The following FRMD4B variants were observed in gnomAD, a reference collection of about 807,000 sequenced individuals.
FRMD4B encodes the protein FERM domain containing 4B.
In FRMD4B, 74 loss-of-function variants were observed where a neutral mutation model predicts 141.5. The ratio of observed to expected loss-of-function variants is 0.52; its 90% CI spans 0.43 to 0.63. The LOEUF is 0.63. FRMD4B is among the 30% of genes least tolerant of loss of function. The pLI is 0.00. For synonymous variants in FRMD4B, 506 were observed against 467.9 expected, an observed-to-expected ratio of 1.08 and a Z score of -1.05; for missense variants, 1,366 against 1,253.4, an observed-to-expected ratio of 1.09 and a Z score of -1.36.
intron 1 of FRMD4B, among the ~76,000 whole-genome samples, chr3:69,364,962 T>C (rs138374716): frequency 6.6e-6 from 1 of 152,108 alleles, no homozygotes; most frequent in Admixed American, 6.5e-5. Flanking sequence ...ACAAAATTGC[T>C]GAAATTCACT....
rs978809677 is a variant in FRMD4B at position 69,318,360 on chromosome 3, T to C, written c.163-4843A>G. Reference sequence around the variant, plus strand: ...ACCAAAGCAAAAGAGTTCCAAAGCATAGACTCTCCAAATGATGTCATTAAT... The same window carrying C: ...ACCAAAGCAAAAGAGTTCCAAAGCACAGACTCTCCAAATGATGTCATTAAT... On this transcript the variant is annotated intron_variant, in intron 1 of 22. Coordinates refer to ENST00000398540, the MANE Select transcript of FRMD4B (RefSeq NM_015123.3). Among the ~76,000 whole-genome samples the C allele has an allele frequency of 5.9e-5, 9 of 152,106 alleles. 1 individual carries two copies. Among genetic ancestry groups the C allele is most frequent in the Non-Finnish European group, 1.0e-4 (7 of 68,024 alleles).
In FRMD4B at chr3:69,197,020, T is replaced by G. The variant is rs1214026467; in HGVS notation, c.972A>C (p.Arg324Ser). Residue 324 changes from arginine to serine, a missense_variant, in exon 13 of 23, where the codon AGA becomes AGC. Transcript: ENST00000398540. ...HDPRRISVSR[R>S]TFGQSGLFVQ... ...CAAACAAGCCACTTTGCCCAAAGGT[T>G]CTTCTTGAAACTGAAATCCTGAAAG... 1.2e-6 allele frequency: 2 copies of G among 1,611,172 alleles called. No individual in the cohort carries two copies. The highest frequency in any genetic ancestry group is 1.7e-6 in the Non-Finnish European group (2 of 1,177,670).
chr3:69,363,671 G>A (rs146623397), intron 1 of FRMD4B, among the ~76,000 whole-genome samples: 1,967 of 152,270 alleles, frequency 0.013, 49 homozygotes, highest in African/African-American at 0.042. Context: ...TTACAGGCGT[G>A]AGCCACTGCA....
chr3:69,196,969 A>C lies in FRMD4B; in HGVS notation c.1023T>G (p.Ser341=), dbSNP rs748504289. The part of the protein sequence containing the change: ...LFVQTWYANS[S]LIKSIWVMAI... ...CCATTACCCAAATGGACTTGATGAG[A>C]GAAGAGTTAGCATACCATGTTTGCA... Residue 341 remains serine (S), a synonymous_variant, in exon 13 of 23, where the codon TCT becomes TCG. Transcript: ENST00000398540. The C allele has an allele frequency of 1.1e-5, 18 of 1,606,786 alleles. No individual in the cohort carries two copies. The South Asian group carries it at 1.6e-4, about 15-fold the overall frequency.
Position 69,171,726 on chromosome 3 carries a change from A to C in FRMD4B, c.*135T>G. ...GTGTGTGATTCACTGATTCACTTCC[A>C]GGGCAACTAAGTCTTCTCTTCAACC... On this transcript the variant is annotated 3_prime_UTR_variant, in exon 23 of 23. Transcript: ENST00000398540. 1 of 823,874 alleles carries C rather than the reference A, an allele frequency of 1.2e-6. No individual in the cohort carries two copies. Among genetic ancestry groups the C allele is most frequent in the Non-Finnish European group, 1.9e-6 (1 of 513,384 alleles). The allele number at this position is 823,874 out of a possible 1,614,324, so 51.0% of individuals were successfully genotyped here. A position where few individuals can be genotyped will look rare whatever the true frequency, so the allele number is the denominator to read the frequency against.
At chr3:69,202,774 C>G (rs1193959799) in intron 11 of FRMD4B, among the ~76,000 whole-genome samples, 1 of 151,968 alleles carries the variant, frequency 6.6e-6, no homozygotes, top group Non-Finnish European at 1.5e-5. Flanking sequence ...ACTAGTTGTG[C>G]CTTTTGATAT....
intron 2 of FRMD4B, among the ~76,000 whole-genome samples, chr3:69,312,566 A>G (rs1701636021): frequency 6.6e-6 from 1 of 152,164 alleles, no homozygotes; most frequent in South Asian, 2.1e-4. Flanking sequence ...CTTGGTCCAG[A>G]GTGTTGGGTG....
intron 2 of FRMD4B, among the ~76,000 whole-genome samples, chr3:69,424,222 G>A (rs764670607): frequency 1.1e-4 from 16 of 152,164 alleles, no homozygotes; most frequent in Non-Finnish European, 2.1e-4. Flanking sequence ...TAGGTGTGAT[G>A]TTTCAGTATT....
At chr3:69,372,161 G>A (rs540558845) in intron 1 of FRMD4B, among the ~76,000 whole-genome samples, 63 of 152,260 alleles carry the variant, frequency 4.1e-4, no homozygotes, top group Middle Eastern at 3.4e-3. Context: ...TGGTCTGCAC[G>A]TGCCAAGCTC....
intron 1 of FRMD4B, among the ~76,000 whole-genome samples, chr3:69,523,542 A>G (rs1011668343): frequency 6.6e-6 from 1 of 152,092 alleles, no homozygotes; most frequent in African/African-American, 2.4e-5. Context: ...CGGTCATGGT[A>G]TCTGTGTTCT....
chr3:69,228,589 C>T (rs1473961841), intron 7 of FRMD4B: 4 of 416,196 alleles, frequency 9.6e-6, no homozygotes, highest in African/African-American at 6.1e-5. Context: ...AATCCCAACA[C>T]TTTGGGAGAC....
intron 21 of FRMD4B, among the ~76,000 whole-genome samples, chr3:69,177,195 T>C (rs542266561): frequency 1.3e-5 from 2 of 151,936 alleles, no homozygotes; most frequent in Non-Finnish European, 2.9e-5. Flanking sequence ...AAAAATTAGC[T>C]GGGCATGGTG....
intron 2 of FRMD4B, among the ~76,000 whole-genome samples, chr3:69,407,988 G>A (rs1035458530): frequency 1.2e-4 from 19 of 152,110 alleles, no homozygotes; most frequent in African/African-American, 4.3e-4. Flanking sequence ...AGGTCATCCG[G>A]CTCAGCACAC....
rs184032944 is a variant in FRMD4B at position 69,304,576 on chromosome 3, C to A, written c.324-2141G>T. On this transcript the variant is annotated intron_variant, in intron 3 of 22. Coordinates refer to ENST00000398540, the MANE Select transcript of FRMD4B (RefSeq NM_015123.3). ...TTATGGGCTTACTGAGATTTAAGCA[C>A]GTACTTGTTTATTTTATTTACTCAA... Among the ~76,000 whole-genome samples, 692 of 151,468 alleles carry A rather than the reference C, an allele frequency of 4.6e-3. 5 individuals carry two copies. The highest frequency in any genetic ancestry group is 6.8e-3 in the Middle Eastern group (2 of 292).
intron 2 of FRMD4B, among the ~76,000 whole-genome samples, chr3:69,397,194 A>G (rs1469448741): frequency 1.3e-5 from 2 of 152,224 alleles, no homozygotes; most frequent in African/African-American, 4.8e-5. Flanking sequence ...AAGGAATGAA[A>G]TACTGGTACG....
intron 9 of FRMD4B, 45 bp downstream of exon 9, chr3:69,221,813 T>A (rs747732208): frequency 1.1e-6 from 1 of 916,582 alleles, no homozygotes; most frequent in South Asian, 1.4e-5. Context: ...TACCTTCAGA[T>A]GAGAGATATT....
chr3:69,475,109 T>C (rs181175882), intron 1 of FRMD4B, among the ~76,000 whole-genome samples: 192 of 152,296 alleles, frequency 1.3e-3, no homozygotes, highest in Middle Eastern at 6.8e-3. Flanking sequence ...AGGGCCAGGT[T>C]ATTACTTACC....
chr3:69,500,668 C>A (rs1248182100), intron 1 of FRMD4B, among the ~76,000 whole-genome samples: 1 of 152,186 alleles, frequency 6.6e-6, no homozygotes, highest in East Asian at 1.9e-4. Flanking sequence ...CTGGTAAGAA[C>A]TGGAACCACA....
intron 1 of FRMD4B, chr3:69,535,951 C>T (rs958176963): frequency 1.3e-5 from 5 of 391,208 alleles, no homozygotes; most frequent in Non-Finnish European, 2.5e-5. Context: ...CTGTGGTCCC[C>T]AGCATCTCCT....
Sources: gnomAD v4.1 joint callset for allele counts (sites outside exome capture counted in the v4.1 genomes callset) on GRCh38, gnomAD v4.1.1 for gene constraint, MANE v1.5 for transcripts, NCBI Gene and HGNC (gene_info 2026-07-23, HGNC 2026-07-21) for gene names.